Variants in SLC4A4 observed in about 807,000 individuals in gnomAD.
SLC4A4 encodes the protein solute carrier family 4 member 4, also known as electrogenic sodium bicarbonate cotransporter 1.
SLC4A4 carries 27 observed loss-of-function variants against 111.5 expected under a neutral mutation model. The observed-to-expected ratio is 0.24, with a 90% CI of 0.18 to 0.33. SLC4A4 has a LOEUF of 0.33. Ranked by LOEUF, SLC4A4 falls within the 10% of genes least tolerant of loss-of-function variation. The pLI, the probability that SLC4A4 is intolerant of heterozygous loss-of-function variation, is 1.00. For missense variants in SLC4A4, 909 were observed against 1,315.5 expected, an observed-to-expected ratio of 0.69 and a Z score of 4.78; for synonymous variants, 443 against 463.4, an observed-to-expected ratio of 0.96 and a Z score of 0.57.
chr4:71,548,946 G>T (rs1324176264), intron 20 of SLC4A4, among the ~76,000 whole-genome samples: 2 of 151,896 alleles, frequency 1.3e-5, no homozygotes, highest in African/African-American at 4.8e-5. Context: ...TTGTTAAACA[G>T]TTAAAATATG....
At chr4:71,143,717 T>C (rs956293905) in intron 2 of SLC4A4, among the ~76,000 whole-genome samples, 1 of 152,100 alleles carries the variant, frequency 6.6e-6, no homozygotes, top group Non-Finnish European at 1.5e-5. Context: ...AGCATTTTAC[T>C]GTGTCTTTTG....
At chr4:71,370,846 G>A (rs550165785) in intron 6 of SLC4A4, among the ~76,000 whole-genome samples, 88 of 152,220 alleles carry the variant, frequency 5.8e-4, no homozygotes, top group African/African-American at 2.0e-3. Flanking sequence ...TTCAGTTTGC[G>A]GATGATATGG....
At chr4:71,255,196 T>A in intron 2 of SLC4A4, 24 bp from the exon 3 acceptor site, 1 of 1,610,550 alleles carries the variant, frequency 6.2e-7, no homozygotes, top group Non-Finnish European at 8.5e-7. Context: ...TTGAACTGAC[T>A]GGTGATTTGT....
chr4:71,494,522 C>T (rs74824921), intron 15 of SLC4A4, among the ~76,000 whole-genome samples: 18,672 of 151,816 alleles, frequency 0.12, 1,428 homozygotes, highest in African/African-American at 0.22. Context: ...GCTATGTTGC[C>T]CAGGCTAGTC....
At chr4:71,418,983 C>T (rs376936867) in intron 7 of SLC4A4, among the ~76,000 whole-genome samples, 24 of 152,234 alleles carry the variant, frequency 1.6e-4, no homozygotes, top group African/African-American at 2.6e-4. Flanking sequence ...CCTGGGTATC[C>T]GCAGCGGTGT....
chr4:71,336,764 T>A (rs1728464230), intron 3 of SLC4A4, among the ~76,000 whole-genome samples: 2 of 152,268 alleles, frequency 1.3e-5, no homozygotes, highest in Admixed American at 6.5e-5. Flanking sequence ...TCCTTGTTTA[T>A]GTTGATTAAT....
At chr4:71,471,553 G>A (rs1227839151) in intron 13 of SLC4A4, among the ~76,000 whole-genome samples, 1 of 151,890 alleles carries the variant, frequency 6.6e-6, no homozygotes, top group South Asian at 2.1e-4. Context: ...TTGTCTAAAA[G>A]CAAGGTTCTA....
At chr4:71,475,233 A>C (rs566681966) in intron 14 of SLC4A4, among the ~76,000 whole-genome samples, 63 of 151,936 alleles carry the variant, frequency 4.1e-4, no homozygotes, top group South Asian at 2.1e-3. Context: ...CACACAGAAA[A>C]AAACATCTAA....
At chr4:71,531,911 A>AT in intron 16 of SLC4A4, 151 bp from the exon 17 acceptor site, 1 of 649,838 alleles carries the variant, frequency 1.5e-6, no homozygotes, top group South Asian at 1.7e-5. Context: ...TTTAAAAATA[A>AT]TTTTTCTGCA....
At chr4:71,350,503 G>A (rs1053271958) in intron 5 of SLC4A4, among the ~76,000 whole-genome samples, 4 of 151,934 alleles carry the variant, frequency 2.6e-5, no homozygotes, top group African/African-American at 7.3e-5. Flanking sequence ...TCAGCCTCCC[G>A]AGTAGCTGGG....
rs191259520 is a variant in SLC4A4, at chr4:71,404,905, C to T, written c.807+7252C>T. ...CCACCTTTTGGGCTTAAGCTATTCTCTTACCTTAGCCTCCTGAATAGTGGG... is the reference window on the plus strand; with the variant it reads ...CCACCTTTTGGGCTTAAGCTATTCTTTTACCTTAGCCTCCTGAATAGTGGG... On this transcript the variant is annotated intron_variant, in intron 7 of 25. Transcript: ENST00000264485. 2.1e-3 allele frequency among the ~76,000 whole-genome samples: 327 copies of T among 152,164 alleles called. 2 individuals are homozygous for T. The highest frequency in any genetic ancestry group is 7.4e-3 in the African/African-American group (309 of 41,500).
intron 1 of SLC4A4, among the ~76,000 whole-genome samples, chr4:71,231,839 TAGA>T (rs1405728600): frequency 3.3e-5 from 5 of 152,208 alleles, no homozygotes; most frequent in Admixed American, 3.3e-4. Context: ...TTCCTATTGA[TAGA>T]AGGAGGAACT....
chr4:71,433,815 T>G (rs938170586), intron 7 of SLC4A4, among the ~76,000 whole-genome samples: 13 of 152,230 alleles, frequency 8.5e-5, no homozygotes, highest in Admixed American at 4.6e-4. Context: ...AAGGTGTTCA[T>G]TCCAACACTG....
intron 3 of SLC4A4, among the ~76,000 whole-genome samples, chr4:71,310,408 G>A (rs1420047613): frequency 6.6e-6 from 1 of 152,118 alleles, no homozygotes; most frequent in South Asian, 2.1e-4. Flanking sequence ...TGAAATGAAG[G>A]AAAAAAGAAT....
chr4:71,159,280 C>G (rs1744559493), intron 2 of SLC4A4, among the ~76,000 whole-genome samples: 1 of 152,158 alleles, frequency 6.6e-6, no homozygotes, highest in African/African-American at 2.4e-5. Context: ...TTTAATCTTA[C>G]AACTTCAAAC....
At chr4:71,159,367 A>T (rs1016083035) in intron 2 of SLC4A4, among the ~76,000 whole-genome samples, 8 of 151,630 alleles carry the variant, frequency 5.3e-5, no homozygotes, top group African/African-American at 1.2e-4. Context: ...TAAATATTTT[A>T]TTTTTTTTAA....
At chr4:71,354,125 G>C (rs4593098) in intron 5 of SLC4A4, among the ~76,000 whole-genome samples, 4 of 152,198 alleles carry the variant, frequency 2.6e-5, no homozygotes, top group African/African-American at 9.7e-5. Flanking sequence ...GTAATTCTAC[G>C]TTTAAAGAGT....
intron 1 of SLC4A4, among the ~76,000 whole-genome samples, chr4:71,224,414 G>A (rs1160841968): frequency 1.3e-5 from 2 of 152,210 alleles, no homozygotes; most frequent in Admixed American, 6.5e-5. Flanking sequence ...TAAGAGAACA[G>A]ATTTTGGAGC....
upstream of SLC4A4, among the ~76,000 whole-genome samples, chr4:71,182,742 A>T (rs80069036): frequency 2.0e-3 from 257 of 128,476 alleles, no homozygotes; most frequent in South Asian, 6.7e-3. Flanking sequence ...ACACACACAC[A>T]CTCTCTCTCA....
Sources: gnomAD v4.1 joint callset for allele counts (sites outside exome capture counted in the v4.1 genomes callset) on GRCh38, gnomAD v4.1.1 for gene constraint, MANE v1.5 for transcripts, NCBI Gene and HGNC (gene_info 2026-07-23, HGNC 2026-07-21) for gene names.